The following GSK3B variants were observed in gnomAD, a reference collection of about 807,000 sequenced individuals.
The protein encoded by GSK3B is glycogen synthase kinase-3 beta.
A neutral mutation model predicts 56.4 loss-of-function variants in GSK3B; 15 were observed. The observed-to-expected ratio is 0.27, with a 90% CI of 0.18 to 0.41. The LOEUF (loss-of-function observed/expected upper bound fraction) is 0.41. Among genes scored for constraint, GSK3B ranks in the 10% least tolerant of loss-of-function variants. The probability of loss-of-function intolerance (pLI) is 1.00; values close to 1 mark genes in which losing one functional copy is unlikely to be tolerated. For missense variants in GSK3B, 300 were observed against 513.4 expected (o/e 0.58, Z 4.02); for synonymous variants, 181 against 188.9 (o/e 0.96, Z 0.34).
chr3:120,006,578 T>C (rs1431738448), intron 1 of GSK3B, among the ~76,000 whole-genome samples: 4 of 152,174 alleles, frequency 2.6e-5, no homozygotes, highest in Non-Finnish European at 5.9e-5. Flanking sequence ...CAGACCACAG[T>C]GCAATCAAAT....
At chr3:119,900,244 G>T (rs1039731961) in intron 7 of GSK3B, among the ~76,000 whole-genome samples, 4 of 151,982 alleles carry the variant, frequency 2.6e-5, no homozygotes, top group Non-Finnish European at 4.4e-5. Context: ...AACTATGAAA[G>T]CTATACTGAA....
chr3:119,970,774 G>A (rs2057358706), intron 2 of GSK3B, among the ~76,000 whole-genome samples: 1 of 151,504 alleles, frequency 6.6e-6, no homozygotes, highest in Admixed American at 6.6e-5. Context: ...GCGACAGTGT[G>A]AGACTCCGTT....
At chr3:119,999,520 G>A (rs1559870247) in intron 2 of GSK3B, among the ~76,000 whole-genome samples, 1 of 152,206 alleles carries the variant, frequency 6.6e-6, no homozygotes, top group Non-Finnish European at 1.5e-5. Flanking sequence ...CATATAGTAA[G>A]TATCTGCTAT....
intron 10 of GSK3B, among the ~76,000 whole-genome samples, chr3:119,834,625 A>G (rs185297664): frequency 6.6e-6 from 1 of 152,356 alleles, no homozygotes; most frequent in East Asian, 1.9e-4. Context: ...GGGGACACAC[A>G]GGTAACATTT....
intron 2 of GSK3B, among the ~76,000 whole-genome samples, chr3:119,965,957 G>GA (rs1444289875): frequency 1.1e-4 from 17 of 152,198 alleles, no homozygotes; most frequent in Admixed American, 9.8e-4. Context: ...GGTTCTCTAA[G>GA]ATTTCATGTG....
At chr3:119,902,440 G>A (rs954035282) in intron 7 of GSK3B, among the ~76,000 whole-genome samples, 8 of 151,986 alleles carry the variant, frequency 5.3e-5, no homozygotes, top group Non-Finnish European at 8.8e-5. Flanking sequence ...TGACTCTGCC[G>A]CCCAGGCTAG....
intron 4 of GSK3B, among the ~76,000 whole-genome samples, chr3:119,919,915 A>G (rs1235047127): frequency 6.6e-6 from 1 of 152,068 alleles, no homozygotes; most frequent in East Asian, 1.9e-4. Context: ...GAAAAAAAAG[A>G]GAAAAATGTG....
intron 2 of GSK3B, among the ~76,000 whole-genome samples, chr3:119,956,601 C>T (rs2107501263): frequency 6.6e-6 from 1 of 152,078 alleles, no homozygotes; most frequent in South Asian, 2.1e-4. Flanking sequence ...AGATGCTCAA[C>T]CTATAAAATA....
At chr3:119,838,922 C>T (rs560438894) in intron 10 of GSK3B, among the ~76,000 whole-genome samples, 1 of 152,224 alleles carries the variant, frequency 6.6e-6, no homozygotes, top group East Asian at 1.9e-4. Flanking sequence ...AAGTTTTTAT[C>T]AGCTCACATA....
intron 1 of GSK3B, among the ~76,000 whole-genome samples, chr3:120,032,406 C>T (rs1455208716): frequency 1.3e-5 from 2 of 151,496 alleles, no homozygotes; most frequent in South Asian, 4.2e-4. Flanking sequence ...ACCCAGGAGG[C>T]GGAGGTTGCA....
chr3:120,027,055 G>A (rs2057934003), intron 1 of GSK3B, among the ~76,000 whole-genome samples: 1 of 142,206 alleles, frequency 7.0e-6, no homozygotes, highest in African/African-American at 2.6e-5. Context: ...TGAGCCACAG[G>A]GCAAGACTTC....
intron 1 of GSK3B, among the ~76,000 whole-genome samples, chr3:120,089,639 CTTA>C (rs1465593856): frequency 6.6e-6 from 1 of 152,138 alleles, no homozygotes; most frequent in Non-Finnish European, 1.5e-5. Context: ...GTGATACAGA[CTTA>C]TTTTCATATT....
intron 1 of GSK3B, among the ~76,000 whole-genome samples, chr3:120,018,475 G>A (rs1325746706): frequency 6.6e-6 from 1 of 152,096 alleles, no homozygotes; most frequent in Non-Finnish European, 1.5e-5. Context: ...ATGTATAACA[G>A]CAATGACTCT....
At chr3:119,968,448 T>C (rs553365238) in intron 2 of GSK3B, among the ~76,000 whole-genome samples, 2 of 152,362 alleles carry the variant, frequency 1.3e-5, no homozygotes, top group South Asian at 2.1e-4. Context: ...AAAATACTTA[T>C]ACATCACGAG....
intron 1 of GSK3B, among the ~76,000 whole-genome samples, chr3:120,015,833 T>G (rs189998064): frequency 6.6e-6 from 1 of 152,230 alleles, no homozygotes; most frequent in East Asian, 1.9e-4. Context: ...ACCTAAGTAG[T>G]GCTTTTGTGT....
At chr3:119,896,432 T>C (rs946823743) in intron 7 of GSK3B, among the ~76,000 whole-genome samples, 1 of 151,878 alleles carries the variant, frequency 6.6e-6, no homozygotes, top group Non-Finnish European at 1.5e-5. Context: ...AAAAAATACA[T>C]GTAAAAATCT....
intron 9 of GSK3B, among the ~76,000 whole-genome samples, chr3:119,857,511 A>G (rs1410956126): frequency 1.3e-5 from 2 of 152,242 alleles, no homozygotes; most frequent in Non-Finnish European, 2.9e-5. Context: ...GTTTTATCAT[A>G]AAGACTGCAG....
At chr3:119,846,813 T>C (rs1577312389) in intron 9 of GSK3B, among the ~76,000 whole-genome samples, 1 of 152,298 alleles carries the variant, frequency 6.6e-6, no homozygotes, top group African/African-American at 2.4e-5. Context: ...TATAAATCAT[T>C]CTACTATAAA....
intron 1 of GSK3B, among the ~76,000 whole-genome samples, chr3:120,055,345 C>A (rs1193384621): frequency 1.3e-5 from 2 of 152,062 alleles, no homozygotes; most frequent in East Asian, 3.8e-4. Flanking sequence ...AGCATTTTTT[C>A]AATATTGAAA....
Sources: gnomAD v4.1 joint callset for allele counts (sites outside exome capture counted in the v4.1 genomes callset) on GRCh38, gnomAD v4.1.1 for gene constraint, MANE v1.5 for transcripts, NCBI Gene and HGNC (gene_info 2026-07-23, HGNC 2026-07-21) for gene names.